Variants in AGMO observed in about 807,000 individuals in gnomAD.
The protein encoded by AGMO is glyceryl-ether monooxygenase.
AGMO carries 75 observed loss-of-function variants against 60.2 expected under a neutral mutation model. The observed-to-expected ratio is 1.25, with a 90% confidence interval of 1.03 to 1.51. AGMO has a LOEUF of 1.51. AGMO is among the 40% of genes most tolerant of loss of function. The pLI, the probability that AGMO is intolerant of heterozygous loss-of-function variation, is 0.00. For missense variants in AGMO, 763 were observed against 525.5 expected (o/e 1.45, Z -4.42); for synonymous variants, 261 against 177.1 (o/e 1.47, Z -3.76).
the AGMO span, among the ~76,000 whole-genome samples, chr7:15,144,755 G>A: frequency 6.6e-6 from 1 of 152,166 alleles, no homozygotes; most frequent in Non-Finnish European, 1.5e-5. Context: ...ATACATACTG[G>A]TGTTAGGAAT....
At chr7:15,345,546 G>GT (rs1782003665) in intron 12 of AGMO, among the ~76,000 whole-genome samples, 1 of 152,154 alleles carries the variant, frequency 6.6e-6, no homozygotes, top group Admixed American at 6.6e-5. Context: ...AAACTCTACT[G>GT]TAATTACTAT....
chr7:15,198,213 GAGAGA>G (rs1563030366), downstream of AGMO, among the ~76,000 whole-genome samples: 4 of 92,862 alleles, frequency 4.3e-5, no homozygotes, highest in Non-Finnish European at 8.1e-5. Context: ...GAGAGAGAGA[GAGAGA>G]GAGAGAGAGA....
chr7:15,349,162 A>G lies in AGMO; in HGVS notation c.1263+16352T>C, dbSNP rs143481941. Among the ~76,000 whole-genome samples the G allele has an allele frequency of 3.4e-3, 512 of 152,210 alleles. 5 individuals carry two copies. The highest frequency in any genetic ancestry group is 3.3e-3 in the Non-Finnish European group (222 of 67,992). ...TAAATGTTCTATATACAGGCCTATC[A>G]TCAGTTCTTGGCACAAGGACTCTCA... On this transcript the variant is annotated intron_variant, in intron 12 of 12. Coordinates refer to ENST00000342526, the MANE Select transcript of AGMO (RefSeq NM_001004320.2).
At chr7:15,382,838 T>G (rs1361176497) in intron 10 of AGMO, among the ~76,000 whole-genome samples, 2 of 152,222 alleles carry the variant, frequency 1.3e-5, no homozygotes, top group African/African-American at 4.8e-5. Context: ...ACAGGCATTT[T>G]TATATGTCAC....
chr7:15,173,689 GA>G, the AGMO span, among the ~76,000 whole-genome samples: 2 of 151,782 alleles, frequency 1.3e-5, no homozygotes, highest in Non-Finnish European at 2.9e-5. Context: ...ATGGTTAATA[GA>G]AAATGGGTTA....
At chr7:15,453,919 T>C in intron 3 of AGMO, among the ~76,000 whole-genome samples, 1 of 149,356 alleles carries the variant, frequency 6.7e-6, no homozygotes, top group Admixed American at 6.7e-5. Flanking sequence ...ACACAAAATA[T>C]AATGTTTCAT....
chr7:15,502,022 C>A (rs185115429), intron 3 of AGMO, among the ~76,000 whole-genome samples: 1 of 152,134 alleles, frequency 6.6e-6, no homozygotes, highest in Admixed American at 6.6e-5. Context: ...ACTCTCAAGT[C>A]TTGAAGTCCA....
chr7:15,378,082 C>A (rs1193289331), intron 10 of AGMO, among the ~76,000 whole-genome samples: 1 of 151,984 alleles, frequency 6.6e-6, no homozygotes, highest in Non-Finnish European at 1.5e-5. Context: ...TTTCAAAAAA[C>A]TTCTGGCCCC....
chr7:15,118,869 CGTCA>C, the AGMO span, among the ~76,000 whole-genome samples: 1 of 131,354 alleles, frequency 7.6e-6, no homozygotes, highest in African/African-American at 2.8e-5. Flanking sequence ...AATTCCCAGA[CGTCA>C]GTATTTTTTT....
intron 12 of AGMO, among the ~76,000 whole-genome samples, chr7:15,357,987 AGGAAAAG>A (rs1782605928): frequency 6.6e-6 from 1 of 152,226 alleles, no homozygotes; most frequent in Non-Finnish European, 1.5e-5. Flanking sequence ...AAAGCAAGAC[AGGAAAAG>A]GAAGAACCCA....
At chr7:15,423,988 A>T (rs1269246381) in intron 4 of AGMO, among the ~76,000 whole-genome samples, 1 of 152,176 alleles carries the variant, frequency 6.6e-6, no homozygotes, top group African/African-American at 2.4e-5. Context: ...TTTTATTGTT[A>T]TTCCTAAAAT....
chr7:15,194,576 T>G, the AGMO span, among the ~76,000 whole-genome samples: 1 of 152,178 alleles, frequency 6.6e-6, no homozygotes, highest in Non-Finnish European at 1.5e-5. Flanking sequence ...CTGGTTTTTG[T>G]GCAATCAGTA....
chr7:15,383,974 C>T (rs1460402107), intron 10 of AGMO, among the ~76,000 whole-genome samples: 1 of 151,858 alleles, frequency 6.6e-6, no homozygotes, highest in East Asian at 1.9e-4. Context: ...CTCGCTCTGT[C>T]CCCCAGGCTG....
At chr7:15,209,808 C>T (rs943938833) in intron 12 of AGMO, among the ~76,000 whole-genome samples, 8 of 152,148 alleles carry the variant, frequency 5.3e-5, no homozygotes, top group East Asian at 3.9e-4. Context: ...TGAATTTTCC[C>T]TTACTTTCCA....
At chr7:15,436,523 T>C (rs550190695) in intron 3 of AGMO, among the ~76,000 whole-genome samples, 1 of 152,264 alleles carries the variant, frequency 6.6e-6, no homozygotes, top group East Asian at 1.9e-4. Context: ...CTAACATTGT[T>C]GCATTTGTGA....
chr7:15,178,390 G>GAA, the AGMO span, among the ~76,000 whole-genome samples: 1 of 152,136 alleles, frequency 6.6e-6, no homozygotes, highest in Non-Finnish European at 1.5e-5. Context: ...ATCCTTTTGA[G>GAA]AAGTCTGAAA....
At chr7:15,374,549 G>A (rs752098401) in intron 10 of AGMO, among the ~76,000 whole-genome samples, 12 of 152,040 alleles carry the variant, frequency 7.9e-5, no homozygotes, top group Non-Finnish European at 1.2e-4. Flanking sequence ...AAATATGAAT[G>A]TGTACCTGAT....
At chr7:15,124,275 A>C in the AGMO span, among the ~76,000 whole-genome samples, 1 of 151,312 alleles carries the variant, frequency 6.6e-6, no homozygotes, top group Non-Finnish European at 1.5e-5. Flanking sequence ...CTTGCCTTTC[A>C]CCTGAGCCAC....
intron 10 of AGMO, among the ~76,000 whole-genome samples, chr7:15,375,257 CTT>C (rs1783403021): frequency 1.3e-5 from 2 of 151,924 alleles, no homozygotes; most frequent in Non-Finnish European, 2.9e-5. Context: ...TAATAGGAAA[CTT>C]TTATTTTCTT....
Sources: allele counts gnomAD v4.1 joint callset (sites outside exome capture counted in the v4.1 genomes callset), GRCh38; gene constraint gnomAD v4.1.1; transcripts MANE v1.5; gene names NCBI Gene and HGNC (gene_info 2026-07-23, HGNC 2026-07-21).